Variants in MECOM observed in about 807,000 individuals in gnomAD.
MECOM encodes MDS1 and EVI1 complex locus.
Under a neutral mutation model 116.3 loss-of-function variants are expected in MECOM, and 13 were observed. The observed-to-expected ratio is 0.11, with a 90% CI of 0.07 to 0.18. The LOEUF is 0.18. Among genes scored for constraint, MECOM ranks in the 10% least tolerant of loss-of-function variants. The pLI is 1.00. For synonymous variants in MECOM, 528 were observed against 535.2 expected (o/e 0.99, Z 0.19); for missense variants, 1,299 against 1,509.0 (o/e 0.86, Z 2.31).
chr3:169,442,903 A>G (rs528410626), intron 1 of MECOM, among the ~76,000 whole-genome samples: 1 of 152,252 alleles, frequency 6.6e-6, no homozygotes, highest in South Asian at 2.1e-4. Context: ...TTTGTATTAC[A>G]GTCATTTGAA....
chr3:169,485,780 C>A (rs1752050129), intron 1 of MECOM, among the ~76,000 whole-genome samples: 1 of 148,952 alleles, frequency 6.7e-6, no homozygotes, highest in Non-Finnish European at 1.5e-5. Context: ...ATAAATCCAC[C>A]AATAGAGATA....
chr3:169,126,609 T>A (rs1328583803), intron 5 of MECOM, among the ~76,000 whole-genome samples: 5 of 152,090 alleles, frequency 3.3e-5, no homozygotes, highest in Non-Finnish European at 7.4e-5. Flanking sequence ...TCTTGTTCGG[T>A]AAAATGTTTA....
rs56270349 is a variant in MECOM at position 169,659,440 on chromosome 3, A to ATTTTTT, written c.37+3890_37+3895dup. On this transcript the variant is annotated intron_variant, in intron 1 of 16. Coordinates refer to ENST00000651503, the MANE Select transcript of MECOM (RefSeq NM_004991.4). Reference sequence around the variant, plus strand: ...GTAATTAACCTTCCCCTAAACACAGATTTTTTTTTTTTTTTTTTTTTTTTT... The same window carrying ATTTTTT: ...GTAATTAACCTTCCCCTAAACACAGATTTTTTTTTTTTTTTTTTTTTTTTTTTTTTT... Among the ~76,000 whole-genome samples, 504 of 62,134 alleles carry ATTTTTT rather than the reference A, an allele frequency of 8.1e-3. 87 individuals carry two copies. The highest frequency in any genetic ancestry group is 0.017 in the African/African-American group (284 of 16,250). 40.8% of individuals were successfully genotyped at this position (62,134 alleles called of 152,430 possible). A position where few individuals can be genotyped will look rare whatever the true frequency, so the allele number is the denominator to read the frequency against.
chr3:169,320,901 T>C lies in MECOM; in HGVS notation c.375+60286A>G, dbSNP rs55932163. Reference sequence around the variant, plus strand: ...CCTTTTGTGAGCATATATTACTTTCTAGGTTCTGTGCTAGAATATATTTTA... The same window carrying C: ...CCTTTTGTGAGCATATATTACTTTCCAGGTTCTGTGCTAGAATATATTTTA... On this transcript the variant is annotated intron_variant, in intron 2 of 16. Transcript: ENST00000651503. 7.9e-3 allele frequency among the ~76,000 whole-genome samples: 1,206 copies of C among 152,276 alleles called. 8 individuals carry two copies. Among genetic ancestry groups the C allele is most frequent in the Middle Eastern group, 0.017 (5 of 294 alleles).
chr3:169,659,247 A>G (rs1421760488), intron 1 of MECOM, among the ~76,000 whole-genome samples: 1 of 151,970 alleles, frequency 6.6e-6, no homozygotes, highest in Non-Finnish European at 1.5e-5. Flanking sequence ...GGCAAAAGTC[A>G]CACTCACTCA....
At position 169,115,899 on chromosome 3, in the gene MECOM, A is replaced by G; in HGVS notation, c.1973T>C (p.Val658Ala). Residue 658 changes from valine to alanine, a missense_variant, in exon 8 of 17, where the codon GTG becomes GCG. Around this residue, in one of 6 missense-constraint regions of MECOM, gnomAD observed 340 missense variants for 312.6 expected, o/e 1.09. Coordinates refer to ENST00000651503, the MANE Select transcript of MECOM (RefSeq NM_004991.4). ...LEEQTAVSGAVNDSIKAIASI... is the reference protein window; with the variant it reads ...LEEQTAVSGAANDSIKAIASI... ...AGCAATAGCCTTTATAGAATCATTC[A>G]CAGCTCCTGACACCGCAGTCTGCTC... is the stretch of plus-strand genomic sequence containing the variant. 1 of 1,614,088 alleles carries G rather than the reference A, an allele frequency of 6.2e-7. No homozygotes were observed. The highest frequency in any genetic ancestry group is 8.5e-7 in the Non-Finnish European group (1 of 1,180,036).
chr3:169,155,962 T>G (rs960074407), intron 2 of MECOM, among the ~76,000 whole-genome samples: 1 of 152,206 alleles, frequency 6.6e-6, no homozygotes, highest in East Asian at 1.9e-4. Flanking sequence ...TATGTAATAT[T>G]AAAAGCATTC....
In MECOM at chr3:169,375,939, C is replaced by T. The variant is rs538692347; in HGVS notation, c.375+5248G>A. On this transcript the variant is annotated intron_variant, in intron 2 of 16. Coordinates refer to ENST00000651503, the MANE Select transcript of MECOM (RefSeq NM_004991.4). ...GATGCGAAAATCCTCAATAAAATAC[C>T]GGCAAATTGAATCCAGCAGCACATC... Among the ~76,000 whole-genome samples the T allele has an allele frequency of 5.6e-4, 85 of 151,998 alleles. 1 individual carries two copies. Among genetic ancestry groups the T allele is most frequent in the African/African-American group, 1.9e-3 (77 of 41,462 alleles).
intron 1 of MECOM, among the ~76,000 whole-genome samples, chr3:169,607,338 T>C (rs114798598): frequency 1.5e-3 from 233 of 152,358 alleles, no homozygotes; most frequent in African/African-American, 5.3e-3. Context: ...ATGTGGCTTT[T>C]TTCTTAAAGC....
At chr3:169,598,732 T>C (rs1453279575) in intron 1 of MECOM, among the ~76,000 whole-genome samples, 1 of 152,174 alleles carries the variant, frequency 6.6e-6, no homozygotes, top group Non-Finnish European at 1.5e-5. Context: ...TCTTAATAGG[T>C]ATTATCTGTT....
rs56707216 is a variant in MECOM at position 169,375,398 on chromosome 3, T to TA, written c.375+5788dup. On this transcript the variant is annotated intron_variant, in intron 2 of 16. Coordinates refer to ENST00000651503, the MANE Select transcript of MECOM (RefSeq NM_004991.4). ...ATCAATGAATCCAGGAGCTGTTTTT[T>TA]AAAAAAAAAATTGACAAAATAGATA... is the stretch of plus-strand genomic sequence containing the variant. 3.3e-3 allele frequency among the ~76,000 whole-genome samples: 497 copies of TA among 151,334 alleles called. 3 individuals carry two copies. Among genetic ancestry groups the TA allele is most frequent in the Middle Eastern group, 6.8e-3 (2 of 294 alleles).
At chr3:169,561,811 C>CT (rs1330838302) in intron 1 of MECOM, among the ~76,000 whole-genome samples, 3 of 152,046 alleles carry the variant, frequency 2.0e-5, no homozygotes, top group African/African-American at 2.4e-5. Context: ...ATTATTTAGT[C>CT]TTTTTTTCTT....
At chr3:169,554,068 T>TTTCCTTATGAAAGG (rs1243695482) in intron 1 of MECOM, among the ~76,000 whole-genome samples, 1 of 152,224 alleles carries the variant, frequency 6.6e-6, no homozygotes, top group African/African-American at 2.4e-5. Flanking sequence ...GTCATAAGGC[T>TTTCCTTATGAAAGG]ACAGCCAGTG....
chr3:169,297,148 A>G (rs747132477), intron 2 of MECOM, among the ~76,000 whole-genome samples: 1 of 152,236 alleles, frequency 6.6e-6, no homozygotes, highest in African/African-American at 2.4e-5. Flanking sequence ...GAAAGTTTCA[A>G]TGAAGGATCC....
At chr3:169,488,372 CAAAAAAAAAAA>C (rs758493062) in intron 1 of MECOM, among the ~76,000 whole-genome samples, 4 of 62,400 alleles carry the variant, frequency 6.4e-5, no homozygotes, top group African/African-American at 1.6e-4. Context: ...ACTAAAAATA[CAAAAAAAAAAA>C]AAAAAAAAAA....
At chr3:169,156,847 C>A (rs1742074115) in intron 2 of MECOM, among the ~76,000 whole-genome samples, 2 of 152,176 alleles carry the variant, frequency 1.3e-5, no homozygotes, top group African/African-American at 4.8e-5. Context: ...AGTGCAATCT[C>A]CATCTAAGGA....
At chr3:169,598,903 A>C (rs1211353007) in intron 1 of MECOM, among the ~76,000 whole-genome samples, 1 of 152,170 alleles carries the variant, frequency 6.6e-6, no homozygotes, top group African/African-American at 2.4e-5. Context: ...AGAAGAGAGA[A>C]ACTTTGGAAA....
chr3:169,493,870 A>G (rs529632385), intron 1 of MECOM, among the ~76,000 whole-genome samples: 23 of 152,214 alleles, frequency 1.5e-4, no homozygotes, highest in African/African-American at 5.5e-4. Flanking sequence ...AAGGGAAGGA[A>G]CCATAGAGAG....
rs968433485 is a variant in MECOM, at chr3:169,355,832, C to CT, written c.375+25354dup. Among the ~76,000 whole-genome samples, 156 of 148,768 alleles carry CT rather than the reference C, an allele frequency of 1.0e-3. 2 individuals carry two copies. Among genetic ancestry groups the CT allele is most frequent in the Middle Eastern group, 7.0e-3 (2 of 284 alleles). The stretch of plus-strand genomic sequence containing the variant: ...CAGTGAAGATTCTCTAGAATATCAT[C>CT]TTTTTTTTTTCCAATTTTATAAGAA... On this transcript the variant is annotated intron_variant, in intron 2 of 16. Coordinates refer to ENST00000651503, the MANE Select transcript of MECOM (RefSeq NM_004991.4).
Sources: allele counts gnomAD v4.1 joint callset (sites outside exome capture counted in the v4.1 genomes callset), GRCh38; gene constraint gnomAD v4.1.1; regional missense constraint gnomAD v4.1.1; transcripts MANE v1.5; gene names NCBI Gene and HGNC (gene_info 2026-07-23, HGNC 2026-07-21).